The following HIPK2 variants were observed in gnomAD, a reference collection of about 807,000 sequenced individuals.
The protein encoded by HIPK2 is homeodomain interacting protein kinase 2, also known as homeodomain-interacting protein kinase 2.
In HIPK2, 27 loss-of-function variants were observed where a neutral mutation model predicts 113.7. That is an observed-to-expected ratio of 0.24 (90% CI 0.17 to 0.33). The LOEUF (loss-of-function observed/expected upper bound fraction) is 0.33. Among genes scored for constraint, HIPK2 ranks in the 10% least tolerant of loss-of-function variants. HIPK2 has a pLI of 1.00. For synonymous variants in HIPK2, 631 were observed against 642.2 expected (o/e 0.98, Z 0.26); for missense variants, 1,257 against 1,588.0 (o/e 0.79, Z 3.54).
At chr7:139,682,242 C>T (rs1213433075) in intron 2 of HIPK2, among the ~76,000 whole-genome samples, 1 of 152,228 alleles carries the variant, frequency 6.6e-6, no homozygotes, top group Non-Finnish European at 1.5e-5. Flanking sequence ...TCATCATCCA[C>T]CACATGCCCT....
Position 139,566,947 on chromosome 7 carries a change from C to T in HIPK2, c.*5980G>A, listed in dbSNP as rs1369916473. The T allele has an allele frequency of 6.6e-6, 1 of 152,202 alleles. No homozygotes were observed. The highest frequency in any genetic ancestry group is 2.4e-5 in the African/African-American group (1 of 41,444). 9.4% of individuals were successfully genotyped at this position (152,202 alleles called of 1,614,324 possible). On this transcript the variant is annotated 3_prime_UTR_variant, in exon 15 of 15. Coordinates refer to ENST00000406875, the MANE Select transcript of HIPK2 (RefSeq NM_022740.5). This position sits in a 1 kb window ranked among gnomAD's most constrained non-coding sequence, Gnocchi z 4.1. ...TGCAGGGGGCACTTCTCTGCAAACT[C>T]TCACTGGGTTTGAGGGAAGAACGGC...
At chr7:139,681,899 T>C (rs1438350668) in intron 2 of HIPK2, among the ~76,000 whole-genome samples, 1 of 152,146 alleles carries the variant, frequency 6.6e-6, no homozygotes, top group Non-Finnish European at 1.5e-5. Flanking sequence ...GGACAGCATC[T>C]CCCCTGGTGC....
chr7:139,613,405 A>G lies in HIPK2; in HGVS notation c.1991-82T>C. 6.5e-7 allele frequency: 1 copy of G among 1,534,508 alleles called. No individual in the cohort carries two copies. Among genetic ancestry groups the G allele is most frequent in the Non-Finnish European group, 8.8e-7 (1 of 1,131,408 alleles). On this transcript the variant is annotated intron_variant, in intron 8 of 14. Transcript: ENST00000406875. This position sits in a 1 kb window ranked among gnomAD's most constrained non-coding sequence, Gnocchi z 4.2. ...ATGAAAAGAACCTTCCTGGGCAGTT[A>G]TGTCAACTTTCTGCTTCCCTTTGCA...
intron 2 of HIPK2, among the ~76,000 whole-genome samples, chr7:139,640,601 G>A (rs373288472): frequency 2.6e-5 from 4 of 152,128 alleles, no homozygotes; most frequent in Non-Finnish European, 5.9e-5. Context: ...TCTATAACAC[G>A]TCTAAGTCCA....
intron 2 of HIPK2, among the ~76,000 whole-genome samples, chr7:139,678,106 G>C (rs1461658654): frequency 1.3e-5 from 2 of 152,140 alleles, no homozygotes; most frequent in Non-Finnish European, 2.9e-5. Context: ...GTTCTTTGTA[G>C]ATTCTGGATA....
intron 1 of HIPK2, among the ~76,000 whole-genome samples, chr7:139,729,351 G>C (rs937755067): frequency 6.3e-4 from 94 of 148,562 alleles, no homozygotes; most frequent in African/African-American, 2.3e-3. Flanking sequence ...GAGAGAGAGA[G>C]AGAGAGAGAG....
chr7:139,593,828 C>T (rs1353853987), intron 12 of HIPK2, among the ~76,000 whole-genome samples: 1 of 152,190 alleles, frequency 6.6e-6, no homozygotes, highest in African/African-American at 2.4e-5. Flanking sequence ...AGGTCTCCAT[C>T]GCTCCAGCTG....
intron 2 of HIPK2, among the ~76,000 whole-genome samples, chr7:139,676,065 G>A (rs1363298134): frequency 3.9e-5 from 6 of 152,166 alleles, no homozygotes; most frequent in Non-Finnish European, 8.8e-5. Flanking sequence ...GGCCCCCTAA[G>A]GTAACTGCGC....
intron 1 of HIPK2, among the ~76,000 whole-genome samples, chr7:139,753,983 C>G (rs1796323707): frequency 6.6e-6 from 1 of 152,256 alleles, no homozygotes. Context: ...AGGAGGGCAG[C>G]AGCCCTGCCT....
intron 1 of HIPK2, among the ~76,000 whole-genome samples, chr7:139,752,784 C>T (rs1010022431): frequency 6.6e-6 from 1 of 151,810 alleles, no homozygotes; most frequent in East Asian, 1.9e-4. Flanking sequence ...GGAGAACCGG[C>T]CACACAGCCC....
intron 2 of HIPK2, among the ~76,000 whole-genome samples, chr7:139,664,621 C>T (rs919168526): frequency 3.9e-5 from 6 of 152,138 alleles, no homozygotes; most frequent in South Asian, 4.1e-4. Context: ...CCTGCTATGG[C>T]GCAACATCCC....
At chr7:139,624,391 C>A (rs180990787) in intron 6 of HIPK2, among the ~76,000 whole-genome samples, 2 of 152,200 alleles carry the variant, frequency 1.3e-5, no homozygotes, top group Non-Finnish European at 2.9e-5. Context: ...CTCTCCAAGC[C>A]ATTCCCTGCC....
At chr7:139,754,533 C>T (rs1478255325) in intron 1 of HIPK2, among the ~76,000 whole-genome samples, 2 of 152,164 alleles carry the variant, frequency 1.3e-5, no homozygotes, top group Admixed American at 6.5e-5. Context: ...CATGTATATA[C>T]ACATAGAAAA....
At chr7:139,717,611 A>G (rs1399148711) in intron 1 of HIPK2, among the ~76,000 whole-genome samples, 1 of 152,162 alleles carries the variant, frequency 6.6e-6, no homozygotes, top group African/African-American at 2.4e-5. Flanking sequence ...AACAGCATAA[A>G]ACATTTTATC....
At chr7:139,704,929 C>T (rs868342617) in intron 2 of HIPK2, among the ~76,000 whole-genome samples, 1 of 152,328 alleles carries the variant, frequency 6.6e-6, no homozygotes. Context: ...CCTCCCCAAG[C>T]AACCAAGATC....
Position 139,719,163 on chromosome 7 carries a change from G to C in HIPK2, c.20-2148C>G, listed in dbSNP as rs531668166. Among the ~76,000 whole-genome samples the C allele has an allele frequency of 8.6e-4, 131 of 152,138 alleles. 1 individual carries two copies. Among genetic ancestry groups the C allele is most frequent in the Middle Eastern group, 3.4e-3 (1 of 294 alleles). ...TTTATTATTATTATTTTTTGAGACAGAGTCTTGCTCTGTCGCCCAGACTGG... is the reference window on the plus strand; with the variant it reads ...TTTATTATTATTATTTTTTGAGACACAGTCTTGCTCTGTCGCCCAGACTGG... On this transcript the variant is annotated intron_variant, in intron 1 of 14. Transcript: ENST00000406875.
Position 139,714,774 on chromosome 7 carries a change from C to G in HIPK2, c.1103+1158G>C, listed in dbSNP as rs949144992. Reference sequence around the variant, plus strand: ...TGACCTCTATCTCCACTGCACTGTTCGGCACCACCCCAAACACACCCCCAG... The same window carrying G: ...TGACCTCTATCTCCACTGCACTGTTGGGCACCACCCCAAACACACCCCCAG... On this transcript the variant is annotated intron_variant, in intron 2 of 14. Coordinates refer to ENST00000406875, the MANE Select transcript of HIPK2 (RefSeq NM_022740.5). This position sits in a 1 kb window ranked among gnomAD's most constrained non-coding sequence, Gnocchi z 4.2. Among the ~76,000 whole-genome samples, 60 of 152,266 alleles carry G rather than the reference C, an allele frequency of 3.9e-4. No homozygotes were observed. Among genetic ancestry groups the G allele is most frequent in the African/African-American group, 1.4e-3 (59 of 41,544 alleles).
intron 1 of HIPK2, 112 bp downstream of exon 1, chr7:139,777,492 TG>T (rs1796798536): frequency 1.1e-5 from 3 of 282,274 alleles, no homozygotes; most frequent in African/African-American, 4.7e-5. Context: ...GGGCCCCGGG[TG>T]GGGGCTGGGG....
Position 139,614,315 on chromosome 7 carries a change from G to C in HIPK2, c.1961C>G (p.Ala654Gly), listed in dbSNP as rs1213012778. ...GAAGCCGGGGGGACACACGATGAGA[G>C]CTTGCTGGAACGGGTCAGGCCGGGC... Reference protein sequence around the residue: ...ICARPDPFQQALIVCPPGFQG... With the variant: ...ICARPDPFQQGLIVCPPGFQG... The change falls in exon 8 of 15, where the codon GCT (alanine) becomes GGT (glycine). Residue 654 changes from alanine to glycine, a missense_variant. Transcript: ENST00000406875. The C allele has an allele frequency of 1.9e-6, 3 of 1,548,454 alleles. No homozygotes were observed. Among genetic ancestry groups the C allele is most frequent in the Non-Finnish European group, 2.6e-6 (3 of 1,137,532 alleles).
Sources: allele counts gnomAD v4.1 joint callset (sites outside exome capture counted in the v4.1 genomes callset), GRCh38; gene constraint gnomAD v4.1.1; non-coding constraint Gnocchi (gnomAD v3.1); transcripts MANE v1.5; gene names NCBI Gene and HGNC (gene_info 2026-07-23, HGNC 2026-07-21).